Variants in RAB33A observed in about 807,000 individuals in gnomAD.
The protein encoded by RAB33A is ras-related protein Rab-33A.
RAB33A carries 6 observed loss-of-function variants against 12.0 expected under a neutral mutation model. That is an observed-to-expected ratio of 0.50 (90% confidence interval 0.27 to 0.99). The LOEUF is 0.99. Among genes scored for constraint, RAB33A ranks in the 50% least tolerant of loss-of-function variants. RAB33A has a pLI of 0.11. For synonymous variants in RAB33A, 70 were observed against 82.4 expected, an observed-to-expected ratio of 0.85 and a Z score of 0.81; for missense variants, 109 against 192.0, an observed-to-expected ratio of 0.57 and a Z score of 2.55.
At chrX:130,132,815 C>T in the RAB33A span, among the ~76,000 whole-genome samples, 1 of 101,715 alleles carries the variant, frequency 9.8e-6, no homozygotes, top group Non-Finnish European at 2.0e-5. Flanking sequence ...GGTGTGATCT[C>T]GGCTCACTGC....
At chrX:130,129,845 T>C in the RAB33A span, 1 of 912,039 alleles carries the variant, frequency 1.1e-6, no homozygotes, top group South Asian at 2.0e-5. Flanking sequence ...GCTATACCTT[T>C]GTTCTGCTCA....
the RAB33A span, among the ~76,000 whole-genome samples, chrX:130,161,898 C>A: frequency 9.8e-5 from 11 of 112,149 alleles, no homozygotes. Flanking sequence ...TGAGCCACCA[C>A]GCCTAGCTAT....
the RAB33A span, chrX:130,147,564 T>C: frequency 8.2e-7 from 1 of 1,212,288 alleles, no homozygotes; most frequent in Non-Finnish European, 1.1e-6. Flanking sequence ...AAAACCACAG[T>C]TCTTTTGAAA....
At chrX:130,134,584 T>C in the RAB33A span, among the ~76,000 whole-genome samples, 1 of 111,051 alleles carries the variant, frequency 9.0e-6, no homozygotes, top group South Asian at 3.8e-4. Context: ...TACAGAAAGA[T>C]ACAGCCTTGC....
the RAB33A span, among the ~76,000 whole-genome samples, chrX:130,143,138 C>T: frequency 5.4e-5 from 6 of 111,319 alleles, no homozygotes; most frequent in South Asian, 2.3e-3. Flanking sequence ...TCTATCCTTG[C>T]CTTCCTCCTC....
rs762530745 is a variant in RAB33A at position 130,171,969 on chromosome X, C to T, written c.-94C>T. 1.1e-4 allele frequency: 108 copies of T among 1,002,608 alleles called. No homozygotes were observed. Among genetic ancestry groups the T allele is most frequent in the Non-Finnish European group, 1.3e-4 (101 of 759,117 alleles). 82.6% of individuals were successfully genotyped at this position (1,002,608 alleles called of 1,213,427 possible). On this transcript the variant is annotated 5_prime_UTR_variant, in exon 1 of 2. Transcript: ENST00000257017. ...ACACACACGCGCGCACACACACACG[C>T]ACAGAGCTCGCTCGCCTCGAGCGCA... is the stretch of plus-strand genomic sequence containing the variant.
chrX:130,125,590 C>T, the RAB33A span, among the ~76,000 whole-genome samples: 66 of 107,521 alleles, frequency 6.1e-4, 1 homozygote, highest in Non-Finnish European at 1.2e-3. Context: ...GAAGGACGTA[C>T]AGAAGGGATA....
the RAB33A span, among the ~76,000 whole-genome samples, chrX:130,122,449 A>G: frequency 1.2e-4 from 14 of 112,319 alleles, 1 homozygote; most frequent in African/African-American, 2.6e-4. Context: ...TGTCTGTATG[A>G]TAAGAGCCAA....
chrX:130,138,704 G>A, the RAB33A span: 1 of 1,151,188 alleles, frequency 8.7e-7, no homozygotes, highest in African/African-American at 1.8e-5. Context: ...TCTCCAATCT[G>A]CAGGATCACA....
At chrX:130,138,788 G>A in the RAB33A span, 3 of 656,091 alleles carry the variant, frequency 4.6e-6, no homozygotes, top group African/African-American at 2.2e-5. Flanking sequence ...TAAATCTTTG[G>A]CAAAAGTAAA....
chrX:130,142,403 T>G, the RAB33A span, among the ~76,000 whole-genome samples: 2 of 111,424 alleles, frequency 1.8e-5, no homozygotes, highest in African/African-American at 6.5e-5. Flanking sequence ...AACCATCTTA[T>G]GTTCTATTGT....
At chrX:130,126,496 G>A in the RAB33A span, among the ~76,000 whole-genome samples, 6 of 98,765 alleles carry the variant, frequency 6.1e-5, no homozygotes, top group African/African-American at 7.4e-5. Context: ...ATCTCAAAAA[G>A]AAAAAAAAAA....
chrX:130,131,027 G>A, the RAB33A span, among the ~76,000 whole-genome samples: 633 of 112,478 alleles, frequency 5.6e-3, 6 homozygotes, highest in African/African-American at 0.02. Context: ...TTGCCCTTGA[G>A]ACACCTCTGG....
the RAB33A span, among the ~76,000 whole-genome samples, chrX:130,159,700 C>T: frequency 2.8e-5 from 3 of 108,840 alleles, no homozygotes; most frequent in Non-Finnish European, 5.7e-5. Context: ...ATATCATACT[C>T]ATGTTTATTC....
the RAB33A span, among the ~76,000 whole-genome samples, chrX:130,150,458 C>T: frequency 2.0e-5 from 2 of 99,202 alleles, no homozygotes; most frequent in Non-Finnish European, 4.1e-5. Context: ...GCCTCAGCCT[C>T]CCAAGTAGCT....
chrX:130,149,613 G>A, the RAB33A span: 6 of 898,524 alleles, frequency 6.7e-6, no homozygotes, highest in African/African-American at 3.9e-5. Context: ...CATACAGCTA[G>A]CTCATACTGT....
the RAB33A span, chrX:130,139,723 G>T: frequency 9.7e-7 from 1 of 1,028,516 alleles, no homozygotes; most frequent in Non-Finnish European, 1.4e-6. Flanking sequence ...TCCCGGGTGG[G>T]CACTTGGGGA....
upstream of RAB33A, among the ~76,000 whole-genome samples, chrX:130,167,706 G>T (rs760768610): frequency 1.8e-5 from 2 of 112,682 alleles, no homozygotes; most frequent in East Asian, 2.8e-4. Context: ...TTGTGCCACT[G>T]CACTCCAGCC....
At chrX:130,135,991 T>C in the RAB33A span, 1 of 1,205,600 alleles carries the variant, frequency 8.3e-7, no homozygotes, top group East Asian at 3.0e-5. Flanking sequence ...CGGGCAGACT[T>C]GTTCACAGGC....
Sources: allele counts gnomAD v4.1 joint callset (sites outside exome capture counted in the v4.1 genomes callset), GRCh38; gene constraint gnomAD v4.1.1; transcripts MANE v1.5; gene names NCBI Gene and HGNC (gene_info 2026-07-23, HGNC 2026-07-21).